PDZRN4: variants seen among roughly 807,000 people sequenced by gnomAD.
The protein encoded by PDZRN4 is PDZ domain-containing RING finger protein 4.
PDZRN4 carries 70 observed loss-of-function variants against 99.0 expected under a neutral mutation model. The observed-to-expected ratio is 0.71, with a 90% confidence interval of 0.58 to 0.86. The LOEUF is 0.86. Among genes scored for constraint, PDZRN4 ranks in the 40% least tolerant of loss-of-function variants. The pLI is 0.00. For synonymous variants in PDZRN4, 551 were observed against 501.6 expected (o/e 1.10, Z -1.32); for missense variants, 1,474 against 1,331.2 (o/e 1.11, Z -1.67).
chr12:41,188,836 GC>G lies in PDZRN4; in HGVS notation c.384del (p.Ala129ArgfsTer99). 7.8e-7 allele frequency: 1 copy of G among 1,276,916 alleles called. No homozygotes were observed. The highest frequency in any genetic ancestry group is 3.2e-5 in the East Asian group (1 of 31,148). 79.1% of individuals were successfully genotyped at this position (1,276,916 alleles called of 1,614,324 possible). A position where few individuals can be genotyped will look rare whatever the true frequency, so the allele number is the denominator to read the frequency against. On this transcript the variant is annotated frameshift_variant, in exon 1 of 10. Coordinates refer to ENST00000402685, the MANE Select transcript of PDZRN4 (RefSeq NM_001164595.2). LOFTEE classifies it high-confidence loss of function. The stretch of plus-strand genomic sequence containing the variant: ...CTTCGGGGCTGGGCGGTGGTGAGGT[GC>G]CCGCGCGGGGGGGCTGCGGTCCGAC... Reference protein sequence around the residue: ...CASGLGGGEVPARGGCGPTPR... With the variant: ...CASGLGGGEVXARGGCGPTPR...
intron 3 of PDZRN4, among the ~76,000 whole-genome samples, chr12:41,330,611 G>A (rs969652576): frequency 1.3e-5 from 2 of 151,644 alleles, no homozygotes; most frequent in Non-Finnish European, 2.9e-5. Context: ...TAAATATGCT[G>A]GAATAAGCTT....
At chr12:41,259,376 G>A (rs1951223058) in intron 3 of PDZRN4, among the ~76,000 whole-genome samples, 2 of 151,978 alleles carry the variant, frequency 1.3e-5, no homozygotes, top group African/African-American at 4.8e-5. Context: ...CAGAGTGAGG[G>A]ACATGCTTAC....
Position 41,502,615 on chromosome 12 carries a change from C to A in PDZRN4, c.844-3841C>A, listed in dbSNP as rs530321963. Among the ~76,000 whole-genome samples the A allele has an allele frequency of 2.0e-5, 3 of 152,230 alleles. No individual in the cohort carries two copies. In the South Asian group the frequency reaches 6.2e-4, roughly 32 times the overall value. ...ATCTTCCCACCTTTTACTGGACACCCAGAAATATTGGGTATCTACCCTTAA... is the reference window on the plus strand; with the variant it reads ...ATCTTCCCACCTTTTACTGGACACCAAGAAATATTGGGTATCTACCCTTAA... On this transcript the variant is annotated intron_variant, in intron 3 of 9. Coordinates refer to ENST00000402685, the MANE Select transcript of PDZRN4 (RefSeq NM_001164595.2).
At chr12:41,425,708 T>G (rs564613957) in intron 3 of PDZRN4, among the ~76,000 whole-genome samples, 51 of 152,276 alleles carry the variant, frequency 3.3e-4, no homozygotes, top group African/African-American at 1.2e-3. Context: ...CTAGAAAGCA[T>G]TTCATCAGGA....
At chr12:41,222,499 A>G (rs1591974121) in intron 3 of PDZRN4, among the ~76,000 whole-genome samples, 1 of 152,204 alleles carries the variant, frequency 6.6e-6, no homozygotes, top group African/African-American at 2.4e-5. Flanking sequence ...GAGTTTGTCT[A>G]AAATGTAATA....
At chr12:41,551,373 C>T (rs1237607401) in intron 5 of PDZRN4, among the ~76,000 whole-genome samples, 3 of 152,040 alleles carry the variant, frequency 2.0e-5, no homozygotes, top group African/African-American at 7.2e-5. Flanking sequence ...TGTTGAAACC[C>T]TAATACAAAT....
chr12:41,372,513 G>A (rs1188248685), intron 3 of PDZRN4, among the ~76,000 whole-genome samples: 1 of 152,136 alleles, frequency 6.6e-6, no homozygotes, highest in Non-Finnish European at 1.5e-5. Context: ...CTTCTCAGAG[G>A]AACTTACATA....
At chr12:41,525,919 G>GT (rs1386274559) in intron 5 of PDZRN4, among the ~76,000 whole-genome samples, 1 of 151,570 alleles carries the variant, frequency 6.6e-6, no homozygotes, top group East Asian at 1.9e-4. Flanking sequence ...CCCAAACATC[G>GT]TAAAATAGTA....
chr12:41,520,248 A>C (rs1031237434), intron 5 of PDZRN4, among the ~76,000 whole-genome samples: 8 of 152,086 alleles, frequency 5.3e-5, no homozygotes, highest in Non-Finnish European at 1.2e-4. Context: ...AAATGCTTAG[A>C]TTCTGGCCTC....
chr12:41,474,922 G>T (rs1953026144), intron 3 of PDZRN4, among the ~76,000 whole-genome samples: 1 of 152,162 alleles, frequency 6.6e-6, no homozygotes, highest in African/African-American at 2.4e-5. Flanking sequence ...GGATATAAAA[G>T]AAATTTGCAA....
chr12:41,457,972 G>T (rs1952830722), intron 3 of PDZRN4, among the ~76,000 whole-genome samples: 1 of 152,128 alleles, frequency 6.6e-6, no homozygotes, highest in Non-Finnish European at 1.5e-5. Context: ...TACAATTGAT[G>T]AGAAGAGCAG....
In PDZRN4 at chr12:41,574,388, A is replaced by G. The variant is rs985393469; in HGVS notation, c.*498A>G. On this transcript the variant is annotated 3_prime_UTR_variant, in exon 10 of 10. Transcript: ENST00000402685. ...ACACATAAAAGCCACTGCTTTTAAC[A>G]TCCCATTGTACATTTAACACATAAA... 7 of 152,934 alleles carry G rather than the reference A, an allele frequency of 4.6e-5. No individual in the cohort carries two copies. Among genetic ancestry groups the G allele is most frequent in the African/African-American group, 1.7e-4 (7 of 41,462 alleles). The allele number at this position is 152,934 out of a possible 1,614,324, so 9.5% of individuals were successfully genotyped here. A position where few individuals can be genotyped will look rare whatever the true frequency, so the allele number is the denominator to read the frequency against.
intron 3 of PDZRN4, among the ~76,000 whole-genome samples, chr12:41,277,097 GT>G (rs1194869721): frequency 6.6e-6 from 1 of 152,152 alleles, no homozygotes; most frequent in African/African-American, 2.4e-5. Flanking sequence ...AATTGAGTAT[GT>G]TGTTGTAAAT....
rs147149320 is a variant in PDZRN4, at chr12:41,533,169, C to G, written c.1204-19487C>G. Among the ~76,000 whole-genome samples the G allele has an allele frequency of 1.2e-3, 179 of 143,792 alleles. 4 individuals carry two copies. The East Asian group carries it at 0.036, about 29-fold the overall frequency. 94.3% of individuals were successfully genotyped at this position (143,792 alleles called of 152,430 possible). ...ATTTATTTCTTCCTGGTCAGCTTAA[C>G]TTTTTCTTTTCTTTTTTTTTTTTGA... On this transcript the variant is annotated intron_variant, in intron 5 of 9. Transcript: ENST00000402685.
intron 3 of PDZRN4, among the ~76,000 whole-genome samples, chr12:41,302,923 A>G (rs913883683): frequency 8.4e-6 from 1 of 118,690 alleles, no homozygotes. Context: ...GATTTCATAT[A>G]TATATATAAA....
At chr12:41,236,340 T>TG in intron 3 of PDZRN4, among the ~76,000 whole-genome samples, 1 of 152,032 alleles carries the variant, frequency 6.6e-6, no homozygotes, top group Non-Finnish European at 1.5e-5. Flanking sequence ...ATAGCAGAAT[T>TG]GGGGGCAGGG....
At chr12:41,259,714 C>A (rs1196190219) in intron 3 of PDZRN4, among the ~76,000 whole-genome samples, 1 of 152,138 alleles carries the variant, frequency 6.6e-6, no homozygotes. Context: ...GTATATTGGC[C>A]GGACTGATTA....
At chr12:41,244,748 A>C (rs541854086) in intron 3 of PDZRN4, among the ~76,000 whole-genome samples, 2 of 146,104 alleles carry the variant, frequency 1.4e-5, no homozygotes, top group South Asian at 2.1e-4. Context: ...GCAGTGGCGC[A>C]ATCTCGGCTC....
At chr12:41,549,232 G>A (rs1336336709) in intron 5 of PDZRN4, among the ~76,000 whole-genome samples, 1 of 152,174 alleles carries the variant, frequency 6.6e-6, no homozygotes, top group Non-Finnish European at 1.5e-5. Context: ...GTGACAGAGG[G>A]AAAGGTATGA....
Sources: gnomAD v4.1 joint callset for allele counts (sites outside exome capture counted in the v4.1 genomes callset) on GRCh38, gnomAD v4.1.1 for gene constraint, MANE v1.5 for transcripts, NCBI Gene and HGNC (gene_info 2026-07-23, HGNC 2026-07-21) for gene names.